Variants in ANK1 observed in about 807,000 individuals in gnomAD.
ANK1 encodes the protein ankyrin-1.
In ANK1, 51 loss-of-function variants were observed where a neutral mutation model predicts 210.4. The ratio of observed to expected loss-of-function variants is 0.24; its 90% confidence interval spans 0.19 to 0.31. The LOEUF is 0.31. ANK1 is among the 10% of genes least tolerant of loss of function. ANK1 has a pLI of 1.00. For synonymous variants in ANK1, 967 were observed against 1,025.9 expected (o/e 0.94, Z 1.10); for missense variants, 2,051 against 2,504.4 (o/e 0.82, Z 3.86).
exon 1 of ANK1, chr8:41,896,460 C>T: frequency 6.2e-7 from 1 of 1,604,254 alleles, no homozygotes; most frequent in Non-Finnish European, 8.5e-7. Context: ...TTTTCTTCAG[C>T]TGTTTGGCCG....
chr8:41,704,012 T>C lies in ANK1; in HGVS notation c.2295+29A>G, dbSNP rs1463510024. ...GGGCTGCTGCCATGGGGAGCAGTTT[T>C]CTAAACTCAGGAGAGAGAGTGTACT... On this transcript the variant is annotated intron_variant, in intron 20 of 42. Coordinates refer to ENST00000289734, the MANE Select transcript of ANK1 (RefSeq NM_000037.4). This position sits in a 1 kb window ranked among gnomAD's most constrained non-coding sequence, Gnocchi z 4.1. 6.2e-7 allele frequency: 1 copy of C among 1,604,958 alleles called. No homozygotes were observed. Among genetic ancestry groups the C allele is most frequent in the Non-Finnish European group, 8.5e-7 (1 of 1,172,100 alleles).
intron 1 of ANK1, among the ~76,000 whole-genome samples, chr8:41,776,835 C>T (rs947325709): frequency 3.9e-5 from 6 of 152,226 alleles, no homozygotes; most frequent in South Asian, 2.1e-4. Flanking sequence ...CTCCTTTCAA[C>T]GGGGTGCTTA....
intron 42 of ANK1, chr8:41,660,463 G>T (rs558947995): frequency 2.2e-6 from 1 of 461,022 alleles, no homozygotes; most frequent in South Asian, 1.6e-5. Context: ...GAGCTGCCCC[G>T]AGCTGGGCAG....
At chr8:41,892,823 T>A (rs1452802265) in intron 1 of ANK1, among the ~76,000 whole-genome samples, 2 of 152,106 alleles carry the variant, frequency 1.3e-5, no homozygotes, top group African/African-American at 4.8e-5. Flanking sequence ...TCCACAAACA[T>A]CCACTGCCTG....
chr8:41,853,894 C>T (rs922318425), intron 1 of ANK1, among the ~76,000 whole-genome samples: 45 of 152,216 alleles, frequency 3.0e-4, no homozygotes, highest in Middle Eastern at 6.8e-3. Flanking sequence ...TCAAAGCACT[C>T]GGATTACAGG....
intron 27 of ANK1, 146 bp downstream of exon 27, chr8:41,695,031 G>A: frequency 8.4e-7 from 1 of 1,186,748 alleles, no homozygotes; most frequent in Middle Eastern, 2.3e-4. Flanking sequence ...CACATCCTGG[G>A]GACCCAGGGC....
chr8:41,869,062 A>C lies in ANK1; in HGVS notation c.126+27293T>G, dbSNP rs935912646. 2.0e-5 allele frequency among the ~76,000 whole-genome samples: 3 copies of C among 152,344 alleles called. No individual in the cohort carries two copies. In the East Asian group the frequency reaches 5.8e-4, roughly 29 times the overall value. On this transcript the variant is annotated intron_variant, in intron 1 of 42. Coordinates refer to the ANK1 transcript ENST00000265709. Reference sequence around the variant, plus strand: ...GCAAAGCACAGCCCTGATTCTGATGAGAAACTCAATAAACAATGGTCTTCT... The same window carrying C: ...GCAAAGCACAGCCCTGATTCTGATGCGAAACTCAATAAACAATGGTCTTCT...
intron 1 of ANK1, among the ~76,000 whole-genome samples, chr8:41,764,690 C>T (rs1841351732): frequency 6.6e-6 from 1 of 152,204 alleles, no homozygotes; most frequent in Admixed American, 6.5e-5. Flanking sequence ...TCTCTAGCTT[C>T]GTTTTAATCT....
At position 41,771,924 on chromosome 8, in the gene ANK1, C is replaced by T. The variant is rs545162115; in HGVS notation, c.28-13787G>A. Among the ~76,000 whole-genome samples the T allele has an allele frequency of 3.3e-5, 5 of 152,316 alleles. No individual in the cohort carries two copies. In the East Asian group the frequency reaches 9.6e-4, roughly 29 times the overall value. On this transcript the variant is annotated intron_variant, in intron 1 of 42. Coordinates refer to ENST00000289734, the MANE Select transcript of ANK1 (RefSeq NM_000037.4). Reference sequence around the variant, plus strand: ...GCAGGGATTTCACGAGCTGGAAGAACACAAGCCTGCAGCAAAGAATCCCAT... The same window carrying T: ...GCAGGGATTTCACGAGCTGGAAGAATACAAGCCTGCAGCAAAGAATCCCAT...
intron 37 of ANK1, among the ~76,000 whole-genome samples, chr8:41,673,557 G>A (rs544132686): frequency 1.3e-5 from 2 of 152,250 alleles, no homozygotes; most frequent in African/African-American, 2.4e-5. Context: ...AACTCTGCAT[G>A]ATCTAAAGTG....
intron 3 of ANK1, among the ~76,000 whole-genome samples, chr8:41,731,295 T>C (rs1415226445): frequency 6.6e-6 from 1 of 152,160 alleles, no homozygotes; most frequent in African/African-American, 2.4e-5. Context: ...AAACACCCAA[T>C]TTCTCTATTT....
At chr8:41,682,177 C>T (rs1280762279) in intron 37 of ANK1, among the ~76,000 whole-genome samples, 1 of 152,084 alleles carries the variant, frequency 6.6e-6, no homozygotes, top group Non-Finnish European at 1.5e-5. Flanking sequence ...CTCTCTCCCA[C>T]TGTCCCTTTG....
intron 24 of ANK1, among the ~76,000 whole-genome samples, chr8:41,697,197 C>A (rs764734419): frequency 6.6e-6 from 1 of 152,202 alleles, no homozygotes; most frequent in Non-Finnish European, 1.5e-5. Context: ...TAGCTGTGGG[C>A]GGACTACCTG....
chr8:41,750,583 A>G (rs1326915282), intron 2 of ANK1, among the ~76,000 whole-genome samples: 3 of 151,676 alleles, frequency 2.0e-5, no homozygotes, highest in African/African-American at 7.3e-5. Context: ...TTTTCCACAC[A>G]GTCTGTCAAC....
chr8:41,797,962 C>A (rs1849119268), upstream of ANK1, among the ~76,000 whole-genome samples: 2 of 151,574 alleles, frequency 1.3e-5, no homozygotes, highest in African/African-American at 4.8e-5. The surrounding 1 kb of genome is among the most constrained non-coding windows in gnomAD (Gnocchi z 4.0). Context: ...GTCTAAAAGT[C>A]GCTGGGTGCA....
chr8:41,714,315 C>T (rs1827017914), intron 15 of ANK1, 61 bp from the exon 16 acceptor site: 2 of 1,306,444 alleles, frequency 1.5e-6, no homozygotes. Context: ...TCCCAGGACT[C>T]CCTTTAGGCA....
At chr8:41,745,580 G>A (rs1835906821) in intron 2 of ANK1, among the ~76,000 whole-genome samples, 1 of 152,176 alleles carries the variant, frequency 6.6e-6, no homozygotes, top group Non-Finnish European at 1.5e-5. Context: ...GAGGAGAGGA[G>A]TGATGTTGTG....
chr8:41,731,198 G>A (rs576825569), intron 3 of ANK1, among the ~76,000 whole-genome samples: 2 of 152,356 alleles, frequency 1.3e-5, no homozygotes, highest in South Asian at 4.1e-4. Flanking sequence ...GGATTTGTGA[G>A]CCTCTATTTT....
chr8:41,891,400 C>T (rs1364903065), intron 1 of ANK1, among the ~76,000 whole-genome samples: 1 of 152,164 alleles, frequency 6.6e-6, no homozygotes, highest in Non-Finnish European at 1.5e-5. Flanking sequence ...CTCGTGTCCC[C>T]TGCCCAGGGA....
Sources: gnomAD v4.1 joint callset for allele counts (sites outside exome capture counted in the v4.1 genomes callset) on GRCh38, gnomAD v4.1.1 for gene constraint, Gnocchi (gnomAD v3.1) non-coding constraint, MANE v1.5 for transcripts, NCBI Gene and HGNC (gene_info 2026-07-23, HGNC 2026-07-21) for gene names.